The following NAA25 variants were observed in gnomAD, a reference collection of about 807,000 sequenced individuals.
NAA25 encodes N-alpha-acetyltransferase 25, NatB auxiliary subunit, also known as N-terminal acetyltransferase B complex subunit NAA25.
A neutral mutation model predicts 132.5 loss-of-function variants in NAA25; 30 were observed. That is an observed-to-expected ratio of 0.23 (90% CI 0.17 to 0.31). The LOEUF (loss-of-function observed/expected upper bound fraction) is 0.31, where lower values mean the gene tolerates loss of function less well. Ranked by LOEUF, NAA25 falls within the 10% of genes least tolerant of loss-of-function variation. NAA25 has a pLI of 1.00. For missense variants in NAA25, 771 were observed against 1,150.4 expected, an observed-to-expected ratio of 0.67 and a Z score of 4.77; for synonymous variants, 359 against 401.9, an observed-to-expected ratio of 0.89 and a Z score of 1.28.
chr12:112,040,929 A>T (rs542958273), intron 20 of NAA25, among the ~76,000 whole-genome samples: 1 of 152,322 alleles, frequency 6.6e-6, no homozygotes, highest in East Asian at 1.9e-4. Flanking sequence ...AAAGACCAAA[A>T]AAGTACATTG....
At position 112,029,472 on chromosome 12, in the gene NAA25, C is replaced by T. The variant is rs2078121761; in HGVS notation, c.*59G>A. Reference sequence around the variant, plus strand: ...ATGGTCAACCAGATGTTGCTTTTGCCTGGGAAGATGGTGTCATATTCTGTT... The same window carrying T: ...ATGGTCAACCAGATGTTGCTTTTGCTTGGGAAGATGGTGTCATATTCTGTT... On this transcript the variant is annotated 3_prime_UTR_variant, in exon 24 of 24. Coordinates refer to ENST00000261745, the MANE Select transcript of NAA25 (RefSeq NM_024953.4). 1 of 1,606,718 alleles carries T rather than the reference C, an allele frequency of 6.2e-7. No homozygotes were observed. The highest frequency in any genetic ancestry group is 8.5e-7 in the Non-Finnish European group (1 of 1,176,162).
intron 1 of NAA25, among the ~76,000 whole-genome samples, chr12:112,108,316 C>G (rs2079394602): frequency 6.6e-6 from 1 of 152,244 alleles, no homozygotes; most frequent in Non-Finnish European, 1.5e-5. Flanking sequence ...AAAAAAATCT[C>G]TGGTAGGGAA....
chr12:112,085,056 C>T (rs371247526), intron 4 of NAA25, among the ~76,000 whole-genome samples: 6 of 152,274 alleles, frequency 3.9e-5, no homozygotes, highest in Admixed American at 2.0e-4. Flanking sequence ...ATGGTGAAAC[C>T]CCATCTCTAC....
At chr12:112,069,017 T>C (rs2078762462) in intron 10 of NAA25, 25 bp from the exon 11 acceptor site, 1 of 1,299,698 alleles carries the variant, frequency 7.7e-7, no homozygotes. Context: ...ACAAAATCAC[T>C]TTATTACTCA....
In NAA25 at chr12:112,043,100, T is replaced by C; in HGVS notation, c.2362A>G (p.Thr788Ala). 2 of 1,611,484 alleles carry C rather than the reference T, an allele frequency of 1.2e-6. No homozygotes were observed. The highest frequency in any genetic ancestry group is 1.7e-6 in the Non-Finnish European group (2 of 1,178,846). The change falls in exon 19 of 24, where the codon ACC becomes GCC. Residue 788 changes from threonine to alanine, a missense_variant. By Grantham distance (58) the Thr-to-Ala change is moderately conservative. This residue lies in a region of NAA25 where 324 missense variants were observed against 400.0 expected (regional missense o/e 0.81). Transcript: ENST00000261745. ...AGTGTACACTTACCTAAACCACTGG[T>C]ATCCAGCTCATAAATATCATTGACA... is the stretch of plus-strand genomic sequence containing the variant. ...YLVNDIYELD[T>A]SGLEDTMEIQ... is the part of the protein sequence containing the mutation.
chr12:112,078,329 T>C, intron 6 of NAA25, 63 bp from the exon 7 acceptor site: 1 of 1,227,628 alleles, frequency 8.1e-7, no homozygotes. Flanking sequence ...AGACAGTCAT[T>C]TATAGGTTTT....
intron 3 of NAA25, 75 bp downstream of exon 3, chr12:112,090,651 A>T: frequency 6.8e-7 from 1 of 1,472,482 alleles, no homozygotes. Flanking sequence ...GTGAGAAATC[A>T]GACAAGGGCA....
chr12:112,103,394 T>C (rs956612734), intron 1 of NAA25, among the ~76,000 whole-genome samples: 4 of 152,140 alleles, frequency 2.6e-5, no homozygotes, highest in Non-Finnish European at 5.9e-5. Context: ...AGGGACTGTT[T>C]TGGTTATGAG....
intron 17 of NAA25, 60 bp from the exon 18 acceptor site, chr12:112,043,928 ATTTTT>A: frequency 7.6e-6 from 10 of 1,310,566 alleles, no homozygotes; most frequent in East Asian, 2.5e-5. Flanking sequence ...ATTGCTTTCA[ATTTTT>A]TTTTTTTTTT....
At chr12:112,043,232 TA>T in intron 18 of NAA25, 21 bp from the exon 19 acceptor site, 1 of 1,563,510 alleles carries the variant, frequency 6.4e-7, no homozygotes, top group Non-Finnish European at 8.6e-7. Context: ...GGGAGAAAAA[TA>T]ATGCTCTTTT....
intron 1 of NAA25, among the ~76,000 whole-genome samples, chr12:112,094,509 A>G (rs374869643): frequency 1.4e-4 from 22 of 152,202 alleles, no homozygotes; most frequent in African/African-American, 3.9e-4. Flanking sequence ...TGTTCCTTCA[A>G]TGAAATATAT....
At chr12:112,068,345 T>A (rs980755745) in intron 11 of NAA25, among the ~76,000 whole-genome samples, 5 of 152,146 alleles carry the variant, frequency 3.3e-5, no homozygotes, top group Admixed American at 2.0e-4. Context: ...GACTGTTCTG[T>A]ATCTTGACTA....
At chr12:112,078,090 T>C in intron 7 of NAA25, 98 bp downstream of exon 7, 1 of 772,764 alleles carries the variant, frequency 1.3e-6, no homozygotes, top group Non-Finnish European at 2.2e-6. Context: ...CAAAAGTGTT[T>C]ATGTCTTTAT....
Position 112,068,976 on chromosome 12 carries a change from T to C in NAA25, c.1053A>G (p.Leu351=). 1 of 1,606,156 alleles carries C rather than the reference T, an allele frequency of 6.2e-7. No individual in the cohort carries two copies. Residue 351 remains leucine, a synonymous_variant, in exon 11 of 24, where the codon TTA becomes TTG. Coordinates refer to ENST00000261745, the MANE Select transcript of NAA25 (RefSeq NM_024953.4). ...DEYKLGDPEE[L]MFQYFKKFGD... Reference sequence around the variant, plus strand: ...CAAACTTTTTAAAATACTGGAACATTAATTCTTCTGGATCACCTGGGGGAC... The same window carrying C: ...CAAACTTTTTAAAATACTGGAACATCAATTCTTCTGGATCACCTGGGGGAC...
At chr12:112,069,195 C>A (rs2078765350) in intron 10 of NAA25, 2 of 498,122 alleles carry the variant, frequency 4.0e-6, no homozygotes, top group Admixed American at 7.3e-5. Flanking sequence ...CACCACTGCA[C>A]CTGACTAGTC....
chr12:112,035,162 G>A (rs1158904286), intron 22 of NAA25: 2 of 151,966 alleles, frequency 1.3e-5, no homozygotes, highest in Non-Finnish European at 2.9e-5. Flanking sequence ...CACCTTTATG[G>A]GTTACTCTGA....
chr12:112,096,801 C>T (rs1412488432), intron 1 of NAA25, among the ~76,000 whole-genome samples: 1 of 152,198 alleles, frequency 6.6e-6, no homozygotes, highest in African/African-American at 2.4e-5. Context: ...CATTCTGAGT[C>T]AGTTCTAAGT....
At chr12:112,055,731 GA>G (rs917560440) in intron 13 of NAA25, among the ~76,000 whole-genome samples, 14 of 148,834 alleles carry the variant, frequency 9.4e-5, no homozygotes, top group African/African-American at 2.7e-4. Flanking sequence ...AAAAAAAAAA[GA>G]AAAAAAAATG....
intron 10 of NAA25, 69 bp downstream of exon 10, chr12:112,071,826 C>CGGTTGTTG: frequency 8.0e-7 from 1 of 1,247,880 alleles, no homozygotes; most frequent in Non-Finnish European, 1.1e-6. Context: ...GTGTAGATCT[C>CGGTTGTTG]AACTAATGAA....
Sources: allele counts gnomAD v4.1 joint callset (sites outside exome capture counted in the v4.1 genomes callset), GRCh38; gene constraint gnomAD v4.1.1; regional missense constraint gnomAD v4.1.1; transcripts MANE v1.5; gene names NCBI Gene and HGNC (gene_info 2026-07-23, HGNC 2026-07-21).